SDK1: variants seen among roughly 807,000 people sequenced by gnomAD.
SDK1 encodes sidekick cell adhesion molecule 1.
SDK1 carries 157 observed loss-of-function variants against 245.5 expected under a neutral mutation model. The observed-to-expected ratio is 0.64, with a 90% CI of 0.56 to 0.73. The LOEUF (loss-of-function observed/expected upper bound fraction) is 0.73. Among genes scored for constraint, SDK1 ranks in the 30% least tolerant of loss-of-function variants. The probability of loss-of-function intolerance (pLI) is 0.00; values close to 1 mark genes in which losing one functional copy is unlikely to be tolerated. For synonymous variants in SDK1, 1,647 were observed against 1,278.5 expected, an observed-to-expected ratio of 1.29 and a Z score of -6.15; for missense variants, 3,583 against 3,002.3, an observed-to-expected ratio of 1.19 and a Z score of -4.52.
Position 3,522,342 on chromosome 7 carries a change from C to T in SDK1, c.299-96738C>T, listed in dbSNP as rs191535589. ...TTGAAGTGATTATATGAGGATCACCCAGCATGTCAGTGTCTCCAGTAGAAG... is the reference window on the plus strand; with the variant it reads ...TTGAAGTGATTATATGAGGATCACCTAGCATGTCAGTGTCTCCAGTAGAAG... On this transcript the variant is annotated intron_variant, in intron 1 of 44. Transcript: ENST00000404826. Among the ~76,000 whole-genome samples the T allele has an allele frequency of 8.5e-5, 13 of 152,294 alleles. No homozygotes were observed. The East Asian group carries it at 2.1e-3, about 25-fold the overall frequency.
At chr7:3,330,642 C>G (rs12537113) in intron 1 of SDK1, among the ~76,000 whole-genome samples, 69,048 of 151,708 alleles carry the variant, frequency 0.46, 15,755 homozygotes, top group East Asian at 0.56. Flanking sequence ...TTCATAGCCT[C>G]CAGAACCATG....
chr7:3,857,520 A>G (rs1224399481), intron 5 of SDK1, among the ~76,000 whole-genome samples: 1 of 151,924 alleles, frequency 6.6e-6, no homozygotes, highest in Non-Finnish European at 1.5e-5. Context: ...CCATTTCTAC[A>G]AAAAATAATA....
rs1003618582 is a variant in SDK1 at position 3,362,580 on chromosome 7, C to T, written c.298+60696C>T. Among the ~76,000 whole-genome samples, 14 of 152,056 alleles carry T rather than the reference C, an allele frequency of 9.2e-5. No homozygotes were observed. In the South Asian group the frequency reaches 2.5e-3, roughly 27 times the overall value. The stretch of plus-strand genomic sequence containing the variant: ...TTAAAAATTTTTTAAAGCATAATTG[C>T]GTTTTTCTTTTCAAACTTCTGAAGA... On this transcript the variant is annotated intron_variant, in intron 1 of 44. Transcript: ENST00000404826.
chr7:3,831,234 T>G (rs956179598), intron 5 of SDK1, among the ~76,000 whole-genome samples: 3 of 152,226 alleles, frequency 2.0e-5, no homozygotes, highest in African/African-American at 7.2e-5. Flanking sequence ...GTAAATGTAC[T>G]TTTCTTAGAA....
chr7:3,685,819 T>C (rs141234313), intron 4 of SDK1, among the ~76,000 whole-genome samples: 2 of 152,058 alleles, frequency 1.3e-5, no homozygotes, highest in East Asian at 3.9e-4. Context: ...TTCTAAAAAA[T>C]ACTCAACCTA....
chr7:3,608,606 A>G (rs527542657), intron 1 of SDK1, among the ~76,000 whole-genome samples: 1 of 152,078 alleles, frequency 6.6e-6, no homozygotes, highest in South Asian at 2.1e-4. Context: ...TGAGATAGGT[A>G]GCTGTGTTAA....
intron 1 of SDK1, among the ~76,000 whole-genome samples, chr7:3,376,069 T>C (rs1781348333): frequency 6.6e-6 from 1 of 152,144 alleles, no homozygotes. Context: ...TGGTAGCTTA[T>C]GCCTGCAATC....
chr7:3,790,066 C>G (rs951066574), intron 4 of SDK1, among the ~76,000 whole-genome samples: 6 of 152,102 alleles, frequency 3.9e-5, no homozygotes, highest in East Asian at 1.9e-4. Flanking sequence ...AGAAAGACCC[C>G]GTAGTCCAAA....
intron 1 of SDK1, among the ~76,000 whole-genome samples, chr7:3,562,939 A>C (rs183837370): frequency 2.0e-5 from 3 of 152,360 alleles, no homozygotes; most frequent in African/African-American, 4.8e-5. Flanking sequence ...AGGGGGATCA[A>C]GTCCCCTGGC....
intron 5 of SDK1, among the ~76,000 whole-genome samples, chr7:3,942,258 G>C (rs1780397108): frequency 6.6e-6 from 1 of 152,132 alleles, no homozygotes. Context: ...TTGTCATTTA[G>C]GCACTTTGCT....
At chr7:3,681,180 T>TATA (rs1784088028) in intron 4 of SDK1, among the ~76,000 whole-genome samples, 2 of 127,020 alleles carry the variant, frequency 1.6e-5, no homozygotes, top group African/African-American at 3.0e-5. Context: ...CATCTGAGTA[T>TATA]GCCCCCGAGT....
At chr7:4,139,705 ATGTGTGTGTGTGTG>A (rs368036304) in intron 28 of SDK1, among the ~76,000 whole-genome samples, 72,780 of 104,536 alleles carry the variant, frequency 0.7, 29,022 homozygotes, top group East Asian at 0.91. Context: ...GTGTGTGTGT[ATGTGTGTGTGTGTG>A]TATGTGTGTG....
chr7:3,959,323 A>G (rs1322483956), intron 8 of SDK1, among the ~76,000 whole-genome samples: 1 of 152,154 alleles, frequency 6.6e-6, no homozygotes, highest in East Asian at 1.9e-4. Context: ...CAAGGCCCTG[A>G]CTTCACAAGT....
intron 1 of SDK1, among the ~76,000 whole-genome samples, chr7:3,343,712 CTT>C (rs1780415881): frequency 1.8e-5 from 2 of 112,324 alleles, no homozygotes; most frequent in African/African-American, 4.5e-5. Context: ...GTAATTATCT[CTT>C]AATAAAAAGT....
At position 3,923,452 on chromosome 7, in the gene SDK1, C is replaced by T. The variant is rs567966255; in HGVS notation, c.848-27471C>T. Reference sequence around the variant, plus strand: ...TTGTTTTAATAATCGAGAAGTTGCCCGGGCTCTACTCTTCTCTCACCAGCA... The same window carrying T: ...TTGTTTTAATAATCGAGAAGTTGCCTGGGCTCTACTCTTCTCTCACCAGCA... On this transcript the variant is annotated intron_variant, in intron 5 of 44. Transcript: ENST00000404826. Among the ~76,000 whole-genome samples the T allele has an allele frequency of 7.9e-5, 12 of 152,290 alleles. No homozygotes were observed. The South Asian group carries it at 2.1e-3, about 26-fold the overall frequency.
At chr7:4,163,745 A>C (rs1431943436) in intron 32 of SDK1, among the ~76,000 whole-genome samples, 1 of 152,076 alleles carries the variant, frequency 6.6e-6, no homozygotes, top group African/African-American at 2.4e-5. Flanking sequence ...GATGCCAGAG[A>C]GGAACCCGGT....
chr7:3,360,696 A>G (rs912971865), intron 1 of SDK1, among the ~76,000 whole-genome samples: 7 of 152,120 alleles, frequency 4.6e-5, no homozygotes, highest in Admixed American at 1.3e-4. Context: ...CACTATCCCA[A>G]CCACCTGGTC....
At position 3,569,306 on chromosome 7, in the gene SDK1, C is replaced by T. The variant is rs189835614; in HGVS notation, c.299-49774C>T. 5.9e-5 allele frequency among the ~76,000 whole-genome samples: 9 copies of T among 152,280 alleles called. 1 individual carries two copies. Among genetic ancestry groups the T allele is most frequent in the Admixed American group, 3.9e-4 (6 of 15,300 alleles). ...AATGCTGAGAGCCTGGTTCATCTGC[C>T]AGGACCGTGCATGATTTGAGTGATC... is the stretch of plus-strand genomic sequence containing the variant. On this transcript the variant is annotated intron_variant, in intron 1 of 44. Transcript: ENST00000404826.
chr7:3,496,636 G>T (rs1478036546), intron 1 of SDK1, among the ~76,000 whole-genome samples: 1 of 152,058 alleles, frequency 6.6e-6, no homozygotes, highest in East Asian at 1.9e-4. Flanking sequence ...TAATATATTG[G>T]TTTACACTTA....
Sources: gnomAD v4.1 joint callset for allele counts (sites outside exome capture counted in the v4.1 genomes callset) on GRCh38, gnomAD v4.1.1 for gene constraint, MANE v1.5 for transcripts, NCBI Gene and HGNC (gene_info 2026-07-23, HGNC 2026-07-21) for gene names.